SPIRE1: variants seen among roughly 807,000 people sequenced by gnomAD.
SPIRE1 encodes spire type actin nucleation factor 1.
A neutral mutation model predicts 94.1 loss-of-function variants in SPIRE1; 40 were observed. That is an observed-to-expected ratio of 0.43 (90% confidence interval 0.33 to 0.55). SPIRE1 has a LOEUF of 0.55. SPIRE1 is among the 20% of genes least tolerant of loss of function. SPIRE1 has a pLI of 0.06. For synonymous variants in SPIRE1, 376 were observed against 371.7 expected, an observed-to-expected ratio of 1.01 and a Z score of -0.13; for missense variants, 838 against 975.2, an observed-to-expected ratio of 0.86 and a Z score of 1.87.
chr18:12,559,506 G>A lies in SPIRE1; in HGVS notation c.373-12602C>T, dbSNP rs1785316. 0.098 allele frequency among the ~76,000 whole-genome samples: 14,988 copies of A among 152,174 alleles called. 1,021 individuals are homozygous for A. The highest frequency in any genetic ancestry group is 0.17 in the Admixed American group (2,564 of 15,286). On this transcript the variant is annotated intron_variant, in intron 2 of 16. Transcript: ENST00000409402. This position sits in a 1 kb window ranked among gnomAD's most constrained non-coding sequence, Gnocchi z 4.7. ...CCTGCAAGCAGAGGGAGCCGGCTCC[G>A]GCTTTGGCCAGCCCAGAGAGGGGCT...
chr18:12,489,763 CATTAG>C (rs2033166473), intron 8 of SPIRE1, among the ~76,000 whole-genome samples: 1 of 152,162 alleles, frequency 6.6e-6, no homozygotes, highest in African/African-American at 2.4e-5. Context: ...CCAAATAAAC[CATTAG>C]ATGCAGATAA....
At position 12,488,911 on chromosome 18, in the gene SPIRE1, C is replaced by A. The variant is rs575674034; in HGVS notation, c.1190-2911G>T. ...TAAGAATAATCTTCCTTGGGTCAGG[C>A]GCGGTGGCTCACGCCTGTAATCCCA... On this transcript the variant is annotated intron_variant, in intron 8 of 16. Transcript: ENST00000409402. Among the ~76,000 whole-genome samples the A allele has an allele frequency of 7.6e-4, 116 of 152,224 alleles. 1 individual carries two copies. Among genetic ancestry groups the A allele is most frequent in the African/African-American group, 2.7e-3 (112 of 41,534 alleles).
intron 10 of SPIRE1, among the ~76,000 whole-genome samples, chr18:12,468,175 G>A (rs1235028392): frequency 1.3e-5 from 2 of 152,160 alleles, no homozygotes; most frequent in Non-Finnish European, 1.5e-5. Flanking sequence ...TCTTTTATAA[G>A]CAAATTAAAA....
At chr18:12,564,474 A>C (rs2035767048) in intron 2 of SPIRE1, among the ~76,000 whole-genome samples, 1 of 152,200 alleles carries the variant, frequency 6.6e-6, no homozygotes, top group Admixed American at 6.5e-5. Context: ...AAAAACAAAA[A>C]ACAGTTTCTA....
At chr18:12,536,606 T>C (rs952661504) in intron 3 of SPIRE1, among the ~76,000 whole-genome samples, 1 of 151,946 alleles carries the variant, frequency 6.6e-6, no homozygotes, top group African/African-American at 2.4e-5. Context: ...CAGAGGGCAA[T>C]GTAAGGCCAC....
At chr18:12,521,887 A>C (rs1348711024) in intron 4 of SPIRE1, among the ~76,000 whole-genome samples, 4 of 152,060 alleles carry the variant, frequency 2.6e-5, no homozygotes. Context: ...CTAATTGATA[A>C]ATGCGTGTGT....
chr18:12,600,344 G>A (rs924945569), intron 2 of SPIRE1, among the ~76,000 whole-genome samples: 15 of 152,168 alleles, frequency 9.9e-5, no homozygotes, highest in African/African-American at 2.9e-4. Flanking sequence ...GCTTCTAAAC[G>A]TGTGGTAACA....
At chr18:12,505,807 C>T (rs2033814349) in intron 6 of SPIRE1, among the ~76,000 whole-genome samples, 2 of 152,144 alleles carry the variant, frequency 1.3e-5, no homozygotes, top group Middle Eastern at 6.9e-3. Context: ...ACGATATAGC[C>T]ATTTAGAAAT....
chr18:12,470,626 C>T (rs565651087), intron 10 of SPIRE1, among the ~76,000 whole-genome samples: 6 of 152,294 alleles, frequency 3.9e-5, no homozygotes, highest in Admixed American at 6.5e-5. Flanking sequence ...TGAGTACACA[C>T]GTGTGTGCAT....
At chr18:12,557,156 G>A (rs886148113) in intron 2 of SPIRE1, among the ~76,000 whole-genome samples, 2 of 152,228 alleles carry the variant, frequency 1.3e-5, no homozygotes, top group South Asian at 2.1e-4. Context: ...GCACTCCTCA[G>A]CCCTTGGGCA....
intron 4 of SPIRE1, among the ~76,000 whole-genome samples, chr18:12,519,174 T>C (rs774251608): frequency 1.3e-5 from 2 of 152,214 alleles, no homozygotes; most frequent in Non-Finnish European, 2.9e-5. Flanking sequence ...TGTTAAACTA[T>C]AAATTGATAT....
intron 4 of SPIRE1, among the ~76,000 whole-genome samples, chr18:12,520,570 A>G (rs377604220): frequency 6.6e-6 from 1 of 152,096 alleles, no homozygotes; most frequent in East Asian, 1.9e-4. Context: ...AAAATAACAA[A>G]TCAAACAGAA....
At chr18:12,525,339 T>A (rs2034490215) in intron 4 of SPIRE1, among the ~76,000 whole-genome samples, 1 of 148,742 alleles carries the variant, frequency 6.7e-6, no homozygotes, top group South Asian at 2.1e-4. Context: ...TTATTAAAAT[T>A]TTAAAAATAA....
intron 1 of SPIRE1, among the ~76,000 whole-genome samples, chr18:12,649,620 A>C (rs1019167420): frequency 6.6e-6 from 1 of 152,226 alleles, no homozygotes; most frequent in South Asian, 2.1e-4. Context: ...GATACAGGAG[A>C]GTGAATCTGA....
chr18:12,484,418 G>T (rs1452353908), intron 9 of SPIRE1, among the ~76,000 whole-genome samples: 1 of 152,064 alleles, frequency 6.6e-6, no homozygotes, highest in Non-Finnish European at 1.5e-5. Flanking sequence ...CTCTTCAGTG[G>T]TCAGTCAAAA....
intron 1 of SPIRE1, among the ~76,000 whole-genome samples, chr18:12,654,456 C>A (rs75760930): frequency 0.072 from 10,833 of 150,444 alleles, 546 homozygotes; most frequent in Non-Finnish European, 0.1. Context: ...ACCATCCTGG[C>A]TAACATGGTG....
At chr18:12,570,853 C>T (rs139728454) in intron 2 of SPIRE1, among the ~76,000 whole-genome samples, 86 of 152,228 alleles carry the variant, frequency 5.6e-4, no homozygotes, top group African/African-American at 2.0e-3. Flanking sequence ...TGTTCCACAC[C>T]ACATAAATAC....
intron 14 of SPIRE1, 139 bp from the exon 15 acceptor site, chr18:12,452,651 T>C (rs769092029): frequency 9.3e-6 from 8 of 863,038 alleles, no homozygotes; most frequent in Middle Eastern, 2.2e-4. Flanking sequence ...ATGTAACAAA[T>C]TGACACACTG....
intron 3 of SPIRE1, among the ~76,000 whole-genome samples, chr18:12,542,070 G>A (rs570439097): frequency 2.0e-5 from 3 of 151,630 alleles, no homozygotes; most frequent in East Asian, 1.9e-4. Flanking sequence ...TCTGCTTCCC[G>A]GGTTCAAGTG....
Sources: gnomAD v4.1 joint callset for allele counts (sites outside exome capture counted in the v4.1 genomes callset) on GRCh38, gnomAD v4.1.1 for gene constraint, Gnocchi (gnomAD v3.1) non-coding constraint, MANE v1.5 for transcripts, NCBI Gene and HGNC (gene_info 2026-07-23, HGNC 2026-07-21) for gene names.